The following EXOC6 variants were observed in gnomAD, a reference collection of about 807,000 sequenced individuals.
EXOC6 encodes SEC15-like 1.
A neutral mutation model predicts 112.5 loss-of-function variants in EXOC6; 60 were observed. The ratio of observed to expected loss-of-function variants is 0.53; its 90% CI spans 0.43 to 0.66. The LOEUF is 0.66. Ranked by LOEUF, EXOC6 falls within the 30% of genes least tolerant of loss-of-function variation. The pLI is 0.00. For missense variants in EXOC6, 855 were observed against 957.1 expected (o/e 0.89, Z 1.41); for synonymous variants, 295 against 308.0 (o/e 0.96, Z 0.44).
upstream of EXOC6, among the ~76,000 whole-genome samples, chr10:92,834,444 C>T (rs142619915): frequency 3.3e-5 from 5 of 152,116 alleles, no homozygotes; most frequent in African/African-American, 9.6e-5. Context: ...CTTTGAGAAA[C>T]GAGTGAATAA....
chr10:92,887,232 C>G (rs992856763), intron 1 of EXOC6, among the ~76,000 whole-genome samples: 13 of 151,984 alleles, frequency 8.6e-5, no homozygotes, highest in Non-Finnish European at 1.5e-4. Flanking sequence ...TTCCAGTGTT[C>G]TGATACATGT....
intron 20 of EXOC6, among the ~76,000 whole-genome samples, chr10:93,040,202 G>A (rs773815111): frequency 7.2e-5 from 11 of 152,088 alleles, no homozygotes; most frequent in Non-Finnish European, 1.3e-4. Context: ...CTTTTGTATG[G>A]GATTTTGTTT....
intron 17 of EXOC6, among the ~76,000 whole-genome samples, chr10:92,960,186 G>A (rs1404217418): frequency 6.6e-6 from 1 of 152,126 alleles, no homozygotes; most frequent in South Asian, 2.1e-4. Flanking sequence ...GTACTAAAAA[G>A]AAATGAGCTA....
At chr10:92,966,232 T>G (rs1180041579) in intron 17 of EXOC6, among the ~76,000 whole-genome samples, 3 of 151,030 alleles carry the variant, frequency 2.0e-5, no homozygotes, top group Non-Finnish European at 3.0e-5. Flanking sequence ...AAAGTGGTGT[T>G]TTCTGAACCA....
At chr10:92,843,019 C>T (rs1167014725) in intron 1 of EXOC6, among the ~76,000 whole-genome samples, 1 of 152,154 alleles carries the variant, frequency 6.6e-6, no homozygotes, top group Non-Finnish European at 1.5e-5. Flanking sequence ...TGGTACACAG[C>T]AAACATTTAA....
intron 1 of EXOC6, among the ~76,000 whole-genome samples, chr10:92,837,094 CATA>C (rs1336140058): frequency 1.6e-5 from 1 of 64,306 alleles, no homozygotes; most frequent in African/African-American, 6.0e-5. Context: ...ATGGTTATAA[CATA>C]ACACACACAC....
intron 6 of EXOC6, among the ~76,000 whole-genome samples, chr10:92,914,873 T>G (rs1850995291): frequency 6.6e-6 from 1 of 152,240 alleles, no homozygotes; most frequent in South Asian, 2.1e-4. Flanking sequence ...TCTCGCAGTG[T>G]GTAAGGAAAT....
At chr10:92,923,125 C>T (rs946203776) in intron 8 of EXOC6, among the ~76,000 whole-genome samples, 2 of 149,348 alleles carry the variant, frequency 1.3e-5, no homozygotes, top group Admixed American at 1.3e-4. Context: ...GTTTGAAAGC[C>T]TAGCTTCCTT....
At chr10:92,851,050 G>A (rs1847304589) in intron 1 of EXOC6, among the ~76,000 whole-genome samples, 1 of 152,156 alleles carries the variant, frequency 6.6e-6, no homozygotes. Context: ...AAATTAGAAA[G>A]TATTTTAAAC....
At chr10:92,856,752 G>A (rs1271846914) in intron 1 of EXOC6, among the ~76,000 whole-genome samples, 1 of 152,094 alleles carries the variant, frequency 6.6e-6, no homozygotes, top group Non-Finnish European at 1.5e-5. Flanking sequence ...TTGGTCTTCT[G>A]CTTAGTTGTT....
At chr10:93,048,105 A>G (rs1250389262) in intron 20 of EXOC6, among the ~76,000 whole-genome samples, 2 of 152,200 alleles carry the variant, frequency 1.3e-5, no homozygotes. Flanking sequence ...AAAGCAAGCC[A>G]TGCCTGTGTG....
At position 93,028,516 on chromosome 10, in the gene EXOC6, C is replaced by T. The variant is rs539232106; in HGVS notation, c.2169+14249C>T. 3.9e-5 allele frequency among the ~76,000 whole-genome samples: 6 copies of T among 151,910 alleles called. No homozygotes were observed. The South Asian group carries it at 1.2e-3, about 32-fold the overall frequency. ...AGTGTTTTTTTGAGATGGAATCTAC[C>T]CCTGGTGAAGAGGCTGTTCACAAGG... On this transcript the variant is annotated intron_variant, in intron 20 of 21. Coordinates refer to ENST00000260762, the MANE Select transcript of EXOC6 (RefSeq NM_019053.6).
In EXOC6 at chr10:92,834,738, G is replaced by A. The variant is rs77134517; in HGVS notation, c.-1G>A. 843 of 1,606,928 alleles carry A rather than the reference G, an allele frequency of 5.2e-4. 6 individuals carry two copies. In the African/African-American group the frequency reaches 9.6e-3, roughly 18 times the overall value. ...CTGGAAAATTAGGGGCCTGTCGAGC[G>A]ATGTTGGAAGAAGAAACAGATCAAA... is the stretch of plus-strand genomic sequence containing the variant. On this transcript the variant is annotated 5_prime_UTR_variant, in exon 1 of 22. Transcript: ENST00000371552.
intron 11 of EXOC6, 85 bp downstream of exon 11, chr10:92,934,515 A>AC (rs1852240481): frequency 4.3e-6 from 5 of 1,158,324 alleles, no homozygotes. Context: ...GGAAAACTGT[A>AC]CCTCCATCAT....
intron 19 of EXOC6, chr10:92,999,402 C>G (rs1174074007): frequency 6.4e-6 from 2 of 313,966 alleles, no homozygotes; most frequent in Non-Finnish European, 1.2e-5. Context: ...TTTTTATTCC[C>G]ATTCCACAAA....
intron 18 of EXOC6, among the ~76,000 whole-genome samples, chr10:92,992,939 T>C (rs1589993165): frequency 6.6e-6 from 1 of 151,746 alleles, no homozygotes; most frequent in East Asian, 1.9e-4. Context: ...TTTAATTCAT[T>C]AAAATACTTC....
intron 20 of EXOC6, among the ~76,000 whole-genome samples, chr10:93,024,705 A>T (rs985053317): frequency 6.6e-6 from 1 of 152,198 alleles, no homozygotes; most frequent in African/African-American, 2.4e-5. Flanking sequence ...GGTGTAAGCC[A>T]CCGTGCCTGG....
chr10:92,871,366 C>T (rs1479097835), intron 1 of EXOC6, among the ~76,000 whole-genome samples: 1 of 150,910 alleles, frequency 6.6e-6, no homozygotes, highest in African/African-American at 2.4e-5. Flanking sequence ...GTATCTACAA[C>T]AAACAAAAAC....
intron 14 of EXOC6, among the ~76,000 whole-genome samples, chr10:92,950,774 G>A (rs1339326073): frequency 6.6e-6 from 1 of 152,204 alleles, no homozygotes; most frequent in Non-Finnish European, 1.5e-5. Context: ...AGAATTTTAA[G>A]TGGTAAAAAC....
Sources: gnomAD v4.1 joint callset for allele counts (sites outside exome capture counted in the v4.1 genomes callset) on GRCh38, gnomAD v4.1.1 for gene constraint, MANE v1.5 for transcripts, NCBI Gene and HGNC (gene_info 2026-07-23, HGNC 2026-07-21) for gene names.